Variants in TEX14 observed in about 807,000 individuals in gnomAD.
TEX14 encodes the protein inactive serine/threonine-protein kinase TEX14.
TEX14 carries 168 observed loss-of-function variants against 178.6 expected under a neutral mutation model. The observed-to-expected ratio is 0.94, with a 90% CI of 0.83 to 1.07. TEX14 has a LOEUF of 1.07. TEX14 is among the 50% of genes least tolerant of loss of function. The probability of loss-of-function intolerance (pLI) is 0.00; values close to 1 mark genes in which losing one functional copy is unlikely to be tolerated. For synonymous variants in TEX14, 626 were observed against 634.1 expected (o/e 0.99, Z 0.19); for missense variants, 1,730 against 1,753.6 (o/e 0.99, Z 0.24).
At chr17:58,633,965 T>A (rs1598405216) in intron 2 of TEX14, among the ~76,000 whole-genome samples, 1 of 123,016 alleles carries the variant, frequency 8.1e-6, no homozygotes, top group Non-Finnish European at 1.8e-5. Context: ...AGACTCTGTC[T>A]CCGAAAAAAA....
At chr17:58,603,493 T>G (rs898916225) in intron 11 of TEX14, among the ~76,000 whole-genome samples, 2 of 148,330 alleles carry the variant, frequency 1.3e-5, no homozygotes, top group African/African-American at 5.0e-5. Context: ...AGGTGGAGGT[T>G]GCAGTGAGCT....
intron 1 of TEX14, among the ~76,000 whole-genome samples, chr17:58,670,126 G>A (rs2047279835): frequency 6.6e-6 from 1 of 152,148 alleles, no homozygotes; most frequent in Admixed American, 6.6e-5. Context: ...TTCCCACGCT[G>A]AGCTCCCTCT....
chr17:58,634,856 G>A (rs1005288567), intron 2 of TEX14, among the ~76,000 whole-genome samples: 3 of 152,170 alleles, frequency 2.0e-5, no homozygotes, highest in Non-Finnish European at 4.4e-5. Flanking sequence ...CTCCAGCCAG[G>A]CATGGTGGCT....
Position 58,667,873 on chromosome 17 carries a change from A to T in TEX14, c.-1-15871T>A, listed in dbSNP as rs896288421. On this transcript the variant is annotated intron_variant, in intron 1 of 31. Coordinates refer to ENST00000349033, the MANE Select transcript of TEX14 (RefSeq NM_031272.5). ...ATGCCACCGCACTCCAGCCTGGGCG[A>T]CAGAGTGAGACTCTGGCTAAAAAAA... Among the ~76,000 whole-genome samples the T allele has an allele frequency of 5.4e-4, 81 of 150,954 alleles. 1 individual carries two copies. The highest frequency in any genetic ancestry group is 2.9e-3 in the East Asian group (15 of 5,134).
chr17:58,633,968 G>GA lies in TEX14; in HGVS notation c.137-3415dup, dbSNP rs34378655. Among the ~76,000 whole-genome samples, 247 of 112,400 alleles carry GA rather than the reference G, an allele frequency of 2.2e-3. 1 individual carries two copies. Among genetic ancestry groups the GA allele is most frequent in the East Asian group, 4.9e-3 (16 of 3,260 alleles). 73.7% of individuals were successfully genotyped at this position (112,400 alleles called of 152,430 possible). A position where few individuals can be genotyped will look rare whatever the true frequency, so the allele number is the denominator to read the frequency against. ...GGTGACAGAGCAAGACTCTGTCTCC[G>GA]AAAAAAAAAAAAAAAGCAAATAAGG... On this transcript the variant is annotated intron_variant, in intron 2 of 31. Transcript: ENST00000349033.
chr17:58,583,600 T>C (rs1377638121), intron 19 of TEX14, among the ~76,000 whole-genome samples: 1 of 152,160 alleles, frequency 6.6e-6, no homozygotes, highest in Non-Finnish European at 1.5e-5. Flanking sequence ...TGTGACTAAT[T>C]TCCTCGGACA....
At chr17:58,563,679 AGAGAGAGAGAGAGAGAGAGAGAGC>A (rs1383468616) in intron 28 of TEX14, among the ~76,000 whole-genome samples, 65 of 92,502 alleles carry the variant, frequency 7.0e-4, no homozygotes, top group Non-Finnish European at 9.1e-4. Context: ...AGAGAGAGAG[AGAGAGAGAGAGAGAGAGAGAGAGC>A]GCAAGATCAT....
intron 1 of TEX14, among the ~76,000 whole-genome samples, chr17:58,688,599 G>A (rs984637225): frequency 1.6e-4 from 24 of 152,090 alleles, no homozygotes; most frequent in African/African-American, 5.8e-4. Flanking sequence ...ATTTAATCTT[G>A]ACCAAAACCC....
At chr17:58,593,103 G>A (rs2045196784) in intron 15 of TEX14, among the ~76,000 whole-genome samples, 1 of 152,076 alleles carries the variant, frequency 6.6e-6, no homozygotes, top group Admixed American at 6.6e-5. Context: ...TTGTGCTAAA[G>A]TCAATTCATT....
chr17:58,631,658 C>T (rs971693163), intron 2 of TEX14: 6 of 151,626 alleles, frequency 4.0e-5, no homozygotes, highest in Admixed American at 1.3e-4. Context: ...AGACTGCCTT[C>T]TCTAGAGAAG....
At chr17:58,557,260 C>T (rs573297704) in intron 31 of TEX14, among the ~76,000 whole-genome samples, 1 of 150,988 alleles carries the variant, frequency 6.6e-6, no homozygotes, top group East Asian at 2.0e-4. Flanking sequence ...GTATTCTCTC[C>T]ATATTAAACC....
At chr17:58,629,904 G>GT (rs369488113) in intron 3 of TEX14, among the ~76,000 whole-genome samples, 2,799 of 125,974 alleles carry the variant, frequency 0.022, 112 homozygotes, top group African/African-American at 0.081. Context: ...CGTGTTTCGT[G>GT]TTTTTTTTTT....
At chr17:58,631,877 C>A (rs1027669316) in intron 2 of TEX14, 1 of 152,194 alleles carries the variant, frequency 6.6e-6, no homozygotes, top group African/African-American at 2.4e-5. Context: ...AAGAAACTCA[C>A]ACATATTATG....
intron 14 of TEX14, among the ~76,000 whole-genome samples, chr17:58,595,233 A>T (rs1297259564): frequency 6.6e-6 from 1 of 152,244 alleles, no homozygotes; most frequent in Non-Finnish European, 1.5e-5. Flanking sequence ...ATAAACTTCA[A>T]TTGTCTGAAA....
At chr17:58,605,530 CCAATACCTG>C (rs2045586695) in intron 10 of TEX14, among the ~76,000 whole-genome samples, 1 of 152,204 alleles carries the variant, frequency 6.6e-6, no homozygotes, top group Non-Finnish European at 1.5e-5. Context: ...CAGAGCTGTT[CCAATACCTG>C]CAATTCCTTA....
chr17:58,689,843 GA>G (rs1375046983), intron 1 of TEX14, among the ~76,000 whole-genome samples: 2 of 149,042 alleles, frequency 1.3e-5, no homozygotes, highest in Non-Finnish European at 3.0e-5. Flanking sequence ...GCAAGGGCCA[GA>G]AGATTTTTTT....
chr17:58,672,992 A>C (rs1373232685), intron 1 of TEX14, among the ~76,000 whole-genome samples: 1 of 152,050 alleles, frequency 6.6e-6, no homozygotes, highest in East Asian at 1.9e-4. Flanking sequence ...TCGAACTCCC[A>C]AAGTGCTGGG....
chr17:58,639,907 C>G (rs961965163), intron 2 of TEX14, among the ~76,000 whole-genome samples: 1 of 152,194 alleles, frequency 6.6e-6, no homozygotes, highest in Non-Finnish European at 1.5e-5. Context: ...TCTTATGCCA[C>G]ATGTTTGCAC....
At chr17:58,564,827 C>A in intron 28 of TEX14, 42 bp downstream of exon 28, 1 of 1,267,140 alleles carries the variant, frequency 7.9e-7, no homozygotes, top group Non-Finnish European at 1.1e-6. Context: ...ATAAACTATA[C>A]AATTTTTTAA....
Sources: gnomAD v4.1 joint callset for allele counts (sites outside exome capture counted in the v4.1 genomes callset) on GRCh38, gnomAD v4.1.1 for gene constraint, MANE v1.5 for transcripts, NCBI Gene and HGNC (gene_info 2026-07-23, HGNC 2026-07-21) for gene names.